Variants in TMEM132C observed in about 807,000 individuals in gnomAD.
The protein encoded by TMEM132C is transmembrane protein 132C, also known as protein phosphatase 1, regulatory subunit 152.
A neutral mutation model predicts 61.4 loss-of-function variants in TMEM132C; 29 were observed. The ratio of observed to expected loss-of-function variants is 0.47; its 90% confidence interval spans 0.35 to 0.64. The LOEUF is 0.64. Ranked by LOEUF, TMEM132C falls within the 30% of genes least tolerant of loss-of-function variation. TMEM132C has a pLI of 0.00. For synonymous variants in TMEM132C, 656 were observed against 633.1 expected (o/e 1.04, Z -0.54); for missense variants, 1,408 against 1,476.9 (o/e 0.95, Z 0.76).
chr12:128,571,401 C>A (rs1485903110), intron 3 of TMEM132C, among the ~76,000 whole-genome samples: 2 of 152,140 alleles, frequency 1.3e-5, no homozygotes, highest in Non-Finnish European at 2.9e-5. Context: ...GTAAAATATA[C>A]ATAACATAAA....
At chr12:128,304,411 C>G (rs10847598) in intron 1 of TMEM132C, among the ~76,000 whole-genome samples, 3 of 151,774 alleles carry the variant, frequency 2.0e-5, no homozygotes, top group African/African-American at 7.2e-5. Context: ...AATTCAAGAC[C>G]AGCCTGGCCA....
At chr12:128,685,693 G>A (rs893499391) in intron 5 of TMEM132C, among the ~76,000 whole-genome samples, 4 of 152,160 alleles carry the variant, frequency 2.6e-5, no homozygotes, top group African/African-American at 7.2e-5. Context: ...AGGAGAAGGC[G>A]GGCCTCCCTG....
At chr12:128,310,600 A>G (rs1206826653) in intron 1 of TMEM132C, among the ~76,000 whole-genome samples, 5 of 152,186 alleles carry the variant, frequency 3.3e-5, no homozygotes, top group African/African-American at 9.7e-5. Flanking sequence ...GAACCTGTTC[A>G]TCACCAAGGA....
intron 1 of TMEM132C, among the ~76,000 whole-genome samples, chr12:128,309,681 T>C (rs1871906161): frequency 6.6e-6 from 1 of 152,208 alleles, no homozygotes; most frequent in Non-Finnish European, 1.5e-5. Flanking sequence ...ACTTCTTTAG[T>C]TTCATCTGTG....
chr12:128,304,614 AAAGAAAG>A (rs1451402111), intron 1 of TMEM132C, among the ~76,000 whole-genome samples: 2 of 99,540 alleles, frequency 2.0e-5, no homozygotes, highest in Non-Finnish European at 4.8e-5. Context: ...GTCTCAAAAA[AAAGAAAG>A]AAAGAAAGAA....
intron 3 of TMEM132C, among the ~76,000 whole-genome samples, chr12:128,593,637 T>C (rs1171795289): frequency 1.3e-5 from 2 of 152,200 alleles, no homozygotes. Flanking sequence ...CGGTGCCTAC[T>C]TTACGGCATT....
chr12:128,279,787 T>C (rs1201630131), intron 1 of TMEM132C, among the ~76,000 whole-genome samples: 1 of 152,218 alleles, frequency 6.6e-6, no homozygotes, highest in African/African-American at 2.4e-5. Context: ...TGTCCCTATT[T>C]TGTCCTTTCT....
chr12:128,381,112 C>T (rs1402856586), intron 1 of TMEM132C, among the ~76,000 whole-genome samples: 2 of 152,166 alleles, frequency 1.3e-5, no homozygotes, highest in Non-Finnish European at 2.9e-5. Context: ...GCAGAAAGGC[C>T]ACTTGCTTAT....
chr12:128,485,114 C>G (rs542055259), intron 2 of TMEM132C, among the ~76,000 whole-genome samples: 1 of 152,218 alleles, frequency 6.6e-6, no homozygotes, highest in Admixed American at 6.5e-5. Context: ...AGCCTGCTGC[C>G]CATCTGAAAT....
intron 4 of TMEM132C, among the ~76,000 whole-genome samples, chr12:128,659,080 G>A (rs1294687950): frequency 2.0e-5 from 3 of 152,236 alleles, no homozygotes; most frequent in Non-Finnish European, 1.5e-5. Context: ...AAATGATCTT[G>A]TTCAGGGATC....
intron 4 of TMEM132C, among the ~76,000 whole-genome samples, chr12:128,646,702 G>C (rs1213674750): frequency 3.3e-5 from 5 of 152,162 alleles, no homozygotes; most frequent in Non-Finnish European, 5.9e-5. Flanking sequence ...TTGGATGTGA[G>C]TGTGTTTAGC....
intron 4 of TMEM132C, among the ~76,000 whole-genome samples, chr12:128,668,529 G>A (rs553761577): frequency 6.6e-6 from 1 of 152,308 alleles, no homozygotes; most frequent in Admixed American, 6.5e-5. Flanking sequence ...AAGGTGATCT[G>A]GACTTTGCAA....
intron 3 of TMEM132C, among the ~76,000 whole-genome samples, chr12:128,598,673 C>T (rs1876055497): frequency 6.6e-6 from 1 of 152,116 alleles, no homozygotes; most frequent in Admixed American, 6.5e-5. Context: ...CTTTCTCTCA[C>T]TTATTGTTCA....
rs567474148 is a variant in TMEM132C at position 128,701,458 on chromosome 12, T to C, written c.2122-3632T>C. The stretch of plus-strand genomic sequence containing the variant: ...ACACACAGCAGAATGTATCAGTTCA[T>C]GTCCAAGCATTTGGATCTTCAGCTA... On this transcript the variant is annotated intron_variant, in intron 8 of 8. Coordinates refer to ENST00000435159, the MANE Select transcript of TMEM132C (RefSeq NM_001136103.3). Among the ~76,000 whole-genome samples the C allele has an allele frequency of 1.2e-3, 178 of 152,326 alleles. 2 individuals carry two copies. Among genetic ancestry groups the C allele is most frequent in the African/African-American group, 3.9e-3 (162 of 41,576 alleles).
intron 4 of TMEM132C, among the ~76,000 whole-genome samples, chr12:128,657,937 A>G (rs911985326): frequency 9.2e-5 from 14 of 152,172 alleles, no homozygotes; most frequent in Non-Finnish European, 1.9e-4. Flanking sequence ...CTTGCCTACA[A>G]CCCTAGAGGA....
chr12:128,549,979 G>T (rs190737260), intron 3 of TMEM132C, among the ~76,000 whole-genome samples: 127 of 152,252 alleles, frequency 8.3e-4, no homozygotes, highest in African/African-American at 3.1e-3. Context: ...GTCCTGAAAG[G>T]AAATACACCC....
intron 3 of TMEM132C, among the ~76,000 whole-genome samples, chr12:128,606,500 A>G (rs1319460706): frequency 1.3e-5 from 2 of 152,198 alleles, no homozygotes; most frequent in East Asian, 3.8e-4. Context: ...TTCAACATTT[A>G]TGCAGTGGGA....
At chr12:128,609,103 G>A (rs1876528115) in intron 3 of TMEM132C, among the ~76,000 whole-genome samples, 1 of 150,654 alleles carries the variant, frequency 6.6e-6, no homozygotes, top group African/African-American at 2.5e-5. Context: ...TGTAACCTCT[G>A]CCTCCCTGCA....
chr12:128,369,247 T>G (rs1873959222), intron 1 of TMEM132C, among the ~76,000 whole-genome samples: 1 of 152,348 alleles, frequency 6.6e-6, no homozygotes, highest in South Asian at 2.1e-4. Context: ...GATTATCTCA[T>G]TGATACTTAA....
Sources: allele counts gnomAD v4.1 joint callset (sites outside exome capture counted in the v4.1 genomes callset), GRCh38; gene constraint gnomAD v4.1.1; transcripts MANE v1.5; gene names NCBI Gene and HGNC (gene_info 2026-07-23, HGNC 2026-07-21).